Variants in CSMD1 observed in about 807,000 individuals in gnomAD.
CSMD1 encodes the protein CUB and sushi domain-containing protein 1.
In CSMD1, 213 loss-of-function variants were observed where a neutral mutation model predicts 417.5. The observed-to-expected ratio is 0.51, with a 90% CI of 0.46 to 0.57. CSMD1 has a LOEUF of 0.57. CSMD1 is among the 20% of genes least tolerant of loss of function. The pLI is 0.00. For synonymous variants in CSMD1, 2,862 were observed against 1,736.8 expected (o/e 1.65, Z -16.11); for missense variants, 6,923 against 4,529.7 (o/e 1.53, Z -15.17).
chr8:2,947,425 T>C (rs1017095166), intron 68 of CSMD1, among the ~76,000 whole-genome samples: 1 of 152,198 alleles, frequency 6.6e-6, no homozygotes, highest in African/African-American at 2.4e-5. Context: ...ACTTTTCTAA[T>C]TAGTTGAAGG....
chr8:4,757,797 A>G (rs1004521376), intron 1 of CSMD1, among the ~76,000 whole-genome samples: 2 of 151,954 alleles, frequency 1.3e-5, no homozygotes, highest in African/African-American at 4.8e-5. Flanking sequence ...TGTTTCTACT[A>G]AAAATAGGAA....
At chr8:2,958,963 G>T (rs1042033930) in intron 62 of CSMD1, among the ~76,000 whole-genome samples, 1 of 152,194 alleles carries the variant, frequency 6.6e-6, no homozygotes, top group Non-Finnish European at 1.5e-5. Flanking sequence ...AAAAAATGCT[G>T]CTTCTAGCAC....
At chr8:4,373,243 G>T (rs576739761) in intron 3 of CSMD1, among the ~76,000 whole-genome samples, 2 of 152,144 alleles carry the variant, frequency 1.3e-5, no homozygotes, top group African/African-American at 4.8e-5. Flanking sequence ...CAGCCAAGAG[G>T]AGCCTACGAA....
At chr8:3,854,526 A>C (rs528404181) in intron 5 of CSMD1, among the ~76,000 whole-genome samples, 4 of 152,250 alleles carry the variant, frequency 2.6e-5, no homozygotes, top group Non-Finnish European at 5.9e-5. Context: ...GCTTAACTGC[A>C]CGGGTTATGG....
At position 4,259,058 on chromosome 8, in the gene CSMD1, C is replaced by T. The variant is rs116831934; in HGVS notation, c.415+160895G>A. 9.9e-3 allele frequency among the ~76,000 whole-genome samples: 1,505 copies of T among 152,234 alleles called. 20 individuals carry two copies. Among genetic ancestry groups the T allele is most frequent in the African/African-American group, 0.034 (1,431 of 41,532 alleles). On this transcript the variant is annotated intron_variant, in intron 3 of 69. Transcript: ENST00000635120. ...AAGGAAAAATTGTGCAAAGACCCTGCTTTGAGTTTGAACGCTGATGATTTT... is the reference window on the plus strand; with the variant it reads ...AAGGAAAAATTGTGCAAAGACCCTGTTTTGAGTTTGAACGCTGATGATTTT...
intron 5 of CSMD1, among the ~76,000 whole-genome samples, chr8:3,800,340 ATAT>A (rs1451486580): frequency 2.0e-5 from 3 of 152,136 alleles, no homozygotes; most frequent in East Asian, 3.9e-4. Flanking sequence ...ATATGTCAAA[ATAT>A]TATTGTTCCG....
chr8:4,800,438 C>CAAAA lies in CSMD1; in HGVS notation c.86-162884_86-162881dup, dbSNP rs11463488. 7.0e-3 allele frequency among the ~76,000 whole-genome samples: 803 copies of CAAAA among 114,978 alleles called. 14 individuals are homozygous for CAAAA. Among genetic ancestry groups the CAAAA allele is most frequent in the African/African-American group, 0.025 (745 of 29,462 alleles). The allele number at this position is 114,978 out of a possible 152,430, so 75.4% of individuals were successfully genotyped here. A position where few individuals can be genotyped will look rare whatever the true frequency, so the allele number is the denominator to read the frequency against. ...GGGTGACAAGAGCAAGACTTCATCTCAAAAAAAAAAAAAAAAGGAAAATTA... is the reference window on the plus strand; with the variant it reads ...GGGTGACAAGAGCAAGACTTCATCTCAAAAAAAAAAAAAAAAAAAAGGAAAATTA... On this transcript the variant is annotated intron_variant, in intron 1 of 69. Coordinates refer to ENST00000635120, the MANE Select transcript of CSMD1 (RefSeq NM_033225.6).
chr8:4,057,605 G>C (rs987296480), intron 3 of CSMD1, among the ~76,000 whole-genome samples: 3 of 151,584 alleles, frequency 2.0e-5, no homozygotes, highest in African/African-American at 7.3e-5. Context: ...TGAAGTCCTT[G>C]CCCATGCCTA....
intron 1 of CSMD1, among the ~76,000 whole-genome samples, chr8:4,991,309 T>C (rs1451489314): frequency 6.6e-6 from 1 of 152,162 alleles, no homozygotes; most frequent in Non-Finnish European, 1.5e-5. Context: ...ACCTTTACAA[T>C]GCCATTAATA....
intron 4 of CSMD1, among the ~76,000 whole-genome samples, chr8:4,027,801 G>A (rs946152034): frequency 1.3e-5 from 2 of 152,042 alleles, no homozygotes; most frequent in Non-Finnish European, 2.9e-5. Context: ...TGGAAGTAAG[G>A]CCAAGACACT....
chr8:3,109,518 C>G (rs1472962866), intron 43 of CSMD1, among the ~76,000 whole-genome samples: 1 of 152,160 alleles, frequency 6.6e-6, no homozygotes, highest in African/African-American at 2.4e-5. Context: ...AGTCTCCTTT[C>G]TTGCCCTCTG....
intron 1 of CSMD1, among the ~76,000 whole-genome samples, chr8:4,639,251 A>ATT (rs34704649): frequency 0.4 from 52,987 of 131,246 alleles, 11,557 homozygotes; most frequent in Admixed American, 0.55. Flanking sequence ...GTGGTTGTCA[A>ATT]TTTTTTTTTT....
chr8:4,721,957 TC>T (rs1378031709), intron 1 of CSMD1, among the ~76,000 whole-genome samples: 1 of 152,112 alleles, frequency 6.6e-6, no homozygotes, highest in Non-Finnish European at 1.5e-5. Flanking sequence ...ATATCTATAA[TC>T]TTACAAAAAC....
chr8:4,923,424 A>T (rs2117154105), intron 1 of CSMD1, among the ~76,000 whole-genome samples: 1 of 152,296 alleles, frequency 6.6e-6, no homozygotes, highest in Admixed American at 6.5e-5. Context: ...GTTGGAGGGG[A>T]TGGATATACA....
chr8:4,707,646 G>C (rs1297847895), intron 1 of CSMD1, among the ~76,000 whole-genome samples: 1 of 151,976 alleles, frequency 6.6e-6, no homozygotes, highest in Non-Finnish European at 1.5e-5. Context: ...CAGCACTTTG[G>C]GAGGCCGAGG....
At chr8:4,453,088 C>T (rs1799245265) in intron 2 of CSMD1, among the ~76,000 whole-genome samples, 2 of 152,106 alleles carry the variant, frequency 1.3e-5, no homozygotes, top group South Asian at 4.2e-4. Flanking sequence ...TCTCCTGGGG[C>T]TATAGACAGG....
rs146755396 is a variant in CSMD1 at position 4,893,845 on chromosome 8, A to T, written c.85+100487T>A. Among the ~76,000 whole-genome samples the T allele has an allele frequency of 8.5e-3, 1,288 of 152,236 alleles. 28 individuals are homozygous for T. Among genetic ancestry groups the T allele is most frequent in the African/African-American group, 0.028 (1,182 of 41,502 alleles). ...ATATCTGGAACGGTGAGTAGCATAC[A>T]GTTGTTCTTACCCCTTTTTTCCCCA... On this transcript the variant is annotated intron_variant, in intron 1 of 69. Transcript: ENST00000635120.
chr8:3,958,328 T>G (rs942716281), intron 5 of CSMD1, among the ~76,000 whole-genome samples: 3 of 151,944 alleles, frequency 2.0e-5, no homozygotes, highest in Non-Finnish European at 4.4e-5. Context: ...CTCTTTTTTT[T>G]TTTTTTTTCC....
chr8:3,092,180 C>T (rs1018309840), intron 47 of CSMD1, among the ~76,000 whole-genome samples: 1 of 151,804 alleles, frequency 6.6e-6, no homozygotes, highest in Non-Finnish European at 1.5e-5. Flanking sequence ...AATTTTAGAT[C>T]AAACTAGTAA....
Sources: allele counts gnomAD v4.1 joint callset (sites outside exome capture counted in the v4.1 genomes callset), GRCh38; gene constraint gnomAD v4.1.1; transcripts MANE v1.5; gene names NCBI Gene and HGNC (gene_info 2026-07-23, HGNC 2026-07-21).